SACS: variants seen among roughly 807,000 people sequenced by gnomAD.
SACS encodes sacsin molecular chaperone.
Under a neutral mutation model 348.0 loss-of-function variants are expected in SACS, and 197 were observed. The ratio of observed to expected loss-of-function variants is 0.57; its 90% CI spans 0.50 to 0.64. The LOEUF is 0.64. Ranked by LOEUF, SACS falls within the 30% of genes least tolerant of loss-of-function variation. The pLI is 0.00. For missense variants in SACS, 4,999 were observed against 5,360.8 expected (o/e 0.93, Z 2.11); for synonymous variants, 1,985 against 1,910.6 (o/e 1.04, Z -1.02).
Position 23,330,512 on chromosome 13 carries a change from C to G in SACS, c.13364G>C (p.Arg4455Thr), listed in dbSNP as rs1383092069. 6.2e-7 allele frequency: 1 copy of G among 1,614,080 alleles called. No individual in the cohort carries two copies. Among genetic ancestry groups the G allele is most frequent in the East Asian group, 2.2e-5 (1 of 44,894 alleles). The change falls in exon 10 of 10, where the codon AGA (arginine) becomes ACA (threonine). Residue 4455 changes from arginine to threonine, a missense_variant. Transcript: ENST00000382292. ...ATTCCTGGCAGCTGAGAAGTTTGCT[C>G]TGGCTTGTCTTAGCCATCTGCGTGC... The part of the protein sequence containing the change: ...VEARRWLRQA[R>T]ANFSAARNDL...
At chr13:23,366,368 C>T (rs1423487935) in intron 5 of SACS, among the ~76,000 whole-genome samples, 1 of 152,202 alleles carries the variant, frequency 6.6e-6, no homozygotes, top group Non-Finnish European at 1.5e-5. Flanking sequence ...CCACCCCAAA[C>T]ATGAACAGCT....
intron 2 of SACS, 48 bp from the exon 3 acceptor site, chr13:23,375,317 C>A: frequency 1.5e-6 from 2 of 1,363,862 alleles, no homozygotes; most frequent in Non-Finnish European, 9.5e-7. Context: ...TGCCACCCGC[C>A]CGCCCAGCGC....
intron 2 of SACS, among the ~76,000 whole-genome samples, chr13:23,409,652 T>G (rs2137957822): frequency 6.6e-6 from 1 of 152,124 alleles, no homozygotes; most frequent in African/African-American, 2.4e-5. Context: ...ACCAGCCTGG[T>G]TTGATAAAAG....
chr13:23,337,487 C>T lies in SACS; in HGVS notation c.6389G>A (p.Arg2130Lys), dbSNP rs369755884. The T allele has an allele frequency of 1.9e-6, 3 of 1,613,630 alleles. No individual in the cohort carries two copies. Among genetic ancestry groups the T allele is most frequent in the Non-Finnish European group, 2.5e-6 (3 of 1,179,848 alleles). The change falls in exon 10 of 10, where the codon AGA becomes AAA. Residue 2130 changes from arginine (R) to lysine (K), a missense_variant. By Grantham distance (26) the Arg-to-Lys change is conservative (BLOSUM62 2). Coordinates refer to ENST00000382292, the MANE Select transcript of SACS (RefSeq NM_014363.6). ...VAKLFDIKDG[R>K]FPYGSTQDYL... ...ATCCTGAGTAGAACCATAAGGGAAT[C>T]TCCCATCTTTAATATCAAATAACTT... is the stretch of plus-strand genomic sequence containing the variant.
chr13:23,332,259 C>T lies in SACS; in HGVS notation c.11617G>A (p.Glu3873Lys). 6.2e-7 allele frequency: 1 copy of T among 1,613,948 alleles called. No homozygotes were observed. Among genetic ancestry groups the T allele is most frequent in the Non-Finnish European group, 8.5e-7 (1 of 1,179,908 alleles). The change falls in exon 10 of 10, where the codon GAA becomes AAA. Residue 3873 changes from glutamate to lysine, a missense_variant. Glu to Lys is a moderately conservative substitution (Grantham distance 56, BLOSUM62 1). Transcript: ENST00000382292. The stretch of plus-strand genomic sequence containing the variant: ...ACTACTCTCTTAACTGTACGCATTT[C>T]ATTAGGATCTAATTGTTTGCCCTCA... ...NSEGKQLDPN[E>K]MRTVKRVVSG...
chr13:23,330,498 C>T lies in SACS; in HGVS notation c.13378G>A (p.Ala4460Thr). ...WLRQARANFS[A>T]ARNDLHKNAN... is the part of the protein sequence containing the mutation. ...TTTTTATGAAGGTCATTCCTGGCAG[C>T]TGAGAAGTTTGCTCTGGCTTGTCTT... Residue 4460 changes from alanine to threonine, a missense_variant, in exon 10 of 10, where the codon GCT (alanine) becomes ACT (threonine). Physicochemically the swap from Ala to Thr is moderately conservative, Grantham distance 58. This residue lies in a region of SACS where 254 missense variants were observed against 275.1 expected (regional missense o/e 0.92). Coordinates refer to ENST00000382292, the MANE Select transcript of SACS (RefSeq NM_014363.6). 6.2e-7 allele frequency: 1 copy of T among 1,614,196 alleles called. No homozygotes were observed.
chr13:23,335,798 T>G lies in SACS; in HGVS notation c.8078A>C (p.Asp2693Ala). The G allele has an allele frequency of 6.2e-7, 1 of 1,614,026 alleles. No homozygotes were observed. The highest frequency in any genetic ancestry group is 8.5e-7 in the Non-Finnish European group (1 of 1,179,914). The change falls in exon 10 of 10, where the codon GAT becomes GCT. Residue 2693 changes from aspartate (D) to alanine (A), a missense_variant. This residue lies in a region of SACS where 3,156 missense variants were observed against 3,380.1 expected (regional missense o/e 0.93). Coordinates refer to ENST00000382292, the MANE Select transcript of SACS (RefSeq NM_014363.6). This position sits in a 1 kb window ranked among gnomAD's most constrained non-coding sequence, Gnocchi z 4.7. ...DLYLGTHFKL[D>A]NCTMFRFPLR... Reference sequence around the variant, plus strand: ...AGGAAATCTGAACATTGTGCAATTATCCAGTTTAAAATGGGTTCCCAGATA... The same window carrying G: ...AGGAAATCTGAACATTGTGCAATTAGCCAGTTTAAAATGGGTTCCCAGATA...
intron 1 of SACS, among the ~76,000 whole-genome samples, chr13:23,430,272 A>C (rs1367609309): frequency 2.0e-5 from 3 of 152,186 alleles, no homozygotes; most frequent in Non-Finnish European, 4.4e-5. Flanking sequence ...AAACTCATAA[A>C]GATTGGTTGT....
rs559982396 is a variant in SACS at position 23,406,096 on chromosome 13, GCT to G, written c.20+5122_20+5123del. Among the ~76,000 whole-genome samples, 4 of 152,284 alleles carry G rather than the reference GCT, an allele frequency of 2.6e-5. No individual in the cohort carries two copies. The South Asian group carries it at 8.3e-4, about 32-fold the overall frequency. The stretch of plus-strand genomic sequence containing the variant: ...CACATGCACACGTATGTTTATTGCA[GCT>G]CTGTTCACAATAGCAAAGATTGGAA... On this transcript the variant is annotated intron_variant, in intron 2 of 9. Transcript: ENST00000382292.
chr13:23,387,526 T>C (rs1488687401), intron 2 of SACS, among the ~76,000 whole-genome samples: 1 of 150,976 alleles, frequency 6.6e-6, no homozygotes, highest in South Asian at 2.1e-4. Flanking sequence ...CTTGCCATTC[T>C]AAGGGCTTCA....
rs151198216 is a variant in SACS, at chr13:23,341,389, G to A, written c.2487C>T (p.Asp829=). The change falls in exon 10 of 10, where the codon GAC becomes GAT. Residue 829 remains aspartate (D), a synonymous_variant. Coordinates refer to ENST00000382292, the MANE Select transcript of SACS (RefSeq NM_014363.6). ...RLRIPSLVIL[D]DESEAQLPEF... ...CTGGAAGCTGTGCTTCAGATTCATC[G>A]TCTAAAATGACTAACGATGGAATCC... 63 of 1,610,500 alleles carry A rather than the reference G, an allele frequency of 3.9e-5. No individual in the cohort carries two copies. In the East Asian group the frequency reaches 9.6e-4, roughly 25 times the overall value.
At chr13:23,407,161 T>G (rs1454189306) in intron 2 of SACS, among the ~76,000 whole-genome samples, 2 of 152,246 alleles carry the variant, frequency 1.3e-5, no homozygotes, top group Non-Finnish European at 2.9e-5. Flanking sequence ...AAACTGAGTT[T>G]ACAGTCTGCT....
At position 23,334,611 on chromosome 13, in the gene SACS, G is replaced by C. The variant is rs1330288230; in HGVS notation, c.9265C>G (p.Pro3089Ala). 1 of 1,613,282 alleles carries C rather than the reference G, an allele frequency of 6.2e-7. No homozygotes were observed. Among genetic ancestry groups the C allele is most frequent in the African/African-American group, 1.3e-5 (1 of 74,884 alleles). The change falls in exon 10 of 10, where the codon CCT (proline) becomes GCT (alanine). Residue 3089 changes from proline to alanine, a missense_variant. Physicochemically the swap from Pro to Ala is conservative, Grantham distance 27. This residue lies in a region of SACS where 734 missense variants were observed against 694.0 expected (regional missense o/e 1.06). Coordinates refer to ENST00000382292, the MANE Select transcript of SACS (RefSeq NM_014363.6). ...TCAGCAGGGGTCACATAACTAACAG[G>C]AATATCTGCATCTATAAGACAGTGG... Reference protein sequence around the residue: ...LYHCLIDADIPVSYVTPADIR... With the variant: ...LYHCLIDADIAVSYVTPADIR...
chr13:23,397,898 T>C (rs1173326724), intron 2 of SACS, among the ~76,000 whole-genome samples: 1 of 152,142 alleles, frequency 6.6e-6, no homozygotes, highest in African/African-American at 2.4e-5. Context: ...ATCAGTTAAA[T>C]ACATTTAAGA....
At chr13:23,381,295 T>C (rs1872042770) in intron 2 of SACS, among the ~76,000 whole-genome samples, 1 of 151,960 alleles carries the variant, frequency 6.6e-6, no homozygotes, top group African/African-American at 2.4e-5. Context: ...GGCCTGTCAC[T>C]GTCTTGTGCT....
intron 1 of SACS, among the ~76,000 whole-genome samples, chr13:23,431,691 C>A (rs943744532): frequency 6.6e-6 from 1 of 152,202 alleles, no homozygotes; most frequent in Admixed American, 6.6e-5. Context: ...GAGAATCGGC[C>A]TTCCTTCTTC....
Position 23,340,953 on chromosome 13 carries a change from T to C in SACS, c.2923A>G (p.Ile975Val), listed in dbSNP as rs745770906. The C allele has an allele frequency of 1.2e-6, 2 of 1,614,068 alleles. No individual in the cohort carries two copies. Among genetic ancestry groups the C allele is most frequent in the East Asian group, 2.2e-5 (1 of 44,868 alleles). Residue 975 changes from isoleucine to valine, a missense_variant, in exon 10 of 10, where the codon ATT becomes GTT. This residue lies in a region of SACS where 3,156 missense variants were observed against 3,380.1 expected (regional missense o/e 0.93). Coordinates refer to ENST00000382292, the MANE Select transcript of SACS (RefSeq NM_014363.6). ...ATTTTCAACATGTTTGCCAGACGAA[T>C]AGTAGCTTCATCACTACTGTCTATT... is the stretch of plus-strand genomic sequence containing the variant. ...SVIDSSDEAT[I>V]RLANMLKIEQ... is the part of the protein sequence containing the mutation.
intron 2 of SACS, among the ~76,000 whole-genome samples, chr13:23,396,053 G>C (rs969024615): frequency 5.9e-5 from 9 of 152,150 alleles, no homozygotes; most frequent in Admixed American, 5.2e-4. Flanking sequence ...GCCGGGTGCA[G>C]TAGTTCATGC....
At chr13:23,375,501 C>T (rs975706050) in intron 2 of SACS, 1 of 1,133,624 alleles carries the variant, frequency 8.8e-7, no homozygotes, top group African/African-American at 1.6e-5. Flanking sequence ...CAGCCCGCGC[C>T]GAGGAGGAAA....
Sources: allele counts gnomAD v4.1 joint callset (sites outside exome capture counted in the v4.1 genomes callset), GRCh38; gene constraint gnomAD v4.1.1; regional missense constraint gnomAD v4.1.1; non-coding constraint Gnocchi (gnomAD v3.1); transcripts MANE v1.5; gene names NCBI Gene and HGNC (gene_info 2026-07-23, HGNC 2026-07-21).